Variants in FAM228B observed in about 807,000 individuals in gnomAD.
FAM228B encodes the protein family with sequence similarity 228 member B, also known as protein FAM228B.
FAM228B carries 38 observed loss-of-function variants against 42.6 expected under a neutral mutation model. That is an observed-to-expected ratio of 0.89 (90% CI 0.69 to 1.17). FAM228B has a LOEUF of 1.17. Among genes scored for constraint, FAM228B ranks in the 50% most tolerant of loss-of-function variants. The pLI is 0.00. For synonymous variants in FAM228B, 109 were observed against 122.3 expected (o/e 0.89, Z 0.72); for missense variants, 344 against 367.3 (o/e 0.94, Z 0.52).
intron 7 of FAM228B, among the ~76,000 whole-genome samples, chr2:24,153,355 G>T (rs958431415): frequency 2.0e-5 from 3 of 152,160 alleles, no homozygotes; most frequent in Non-Finnish European, 2.9e-5. Context: ...TATACTCCCT[G>T]GGTATCGCTG....
chr2:24,144,749 A>G (rs1032566196), intron 5 of FAM228B, among the ~76,000 whole-genome samples: 18 of 152,140 alleles, frequency 1.2e-4, no homozygotes, highest in African/African-American at 4.1e-4. Flanking sequence ...AGCATCACCT[A>G]GGCTGAAACA....
At chr2:24,078,783 C>G (rs938370137) in intron 1 of FAM228B, 1 of 152,378 alleles carries the variant, frequency 6.6e-6, no homozygotes, top group African/African-American at 2.4e-5. Context: ...TGCTTAAGCT[C>G]TCCTGTCCCT....
At chr2:24,131,316 T>C (rs1030485101) in intron 2 of FAM228B, among the ~76,000 whole-genome samples, 2 of 152,210 alleles carry the variant, frequency 1.3e-5, no homozygotes. Context: ...TATGGGCTCT[T>C]TTTTGGTTTC....
At chr2:24,097,873 A>G (rs1045074660) in intron 3 of FAM228B, among the ~76,000 whole-genome samples, 6 of 152,212 alleles carry the variant, frequency 3.9e-5, no homozygotes, top group African/African-American at 1.4e-4. Flanking sequence ...AATTGACCAC[A>G]TAATTGGAAG....
chr2:24,084,165 C>A lies in FAM228B; in HGVS notation c.-210+3210C>A. 1 of 1,597,204 alleles carries A rather than the reference C, an allele frequency of 6.3e-7. No homozygotes were observed. The highest frequency in any genetic ancestry group is 8.5e-7 in the Non-Finnish European group (1 of 1,173,230). ...GGGAGGCTCTGGAGTCCCGCCCGCCCCGGCGCGGCTGAGCCCTGGGTACCT... is the reference window on the plus strand; with the variant it reads ...GGGAGGCTCTGGAGTCCCGCCCGCCACGGCGCGGCTGAGCCCTGGGTACCT... On this transcript the variant is annotated intron_variant, in intron 2 of 10. Transcript: ENST00000613899. This position sits in a 1 kb window ranked among gnomAD's most constrained non-coding sequence, Gnocchi z 8.4.
chr2:24,133,264 A>G (rs894658854), intron 2 of FAM228B, among the ~76,000 whole-genome samples: 4 of 151,358 alleles, frequency 2.6e-5, no homozygotes, highest in East Asian at 3.9e-4. Flanking sequence ...GTTGTTTTTT[A>G]TATTTTTTAT....
At chr2:24,141,436 G>A (rs1315631058) in intron 5 of FAM228B, among the ~76,000 whole-genome samples, 2 of 152,122 alleles carry the variant, frequency 1.3e-5, no homozygotes, top group African/African-American at 4.8e-5. Flanking sequence ...AGTAGAGACG[G>A]GGTTTCACCG....
chr2:24,149,638 G>T (rs1440464977), intron 7 of FAM228B, among the ~76,000 whole-genome samples: 1 of 152,064 alleles, frequency 6.6e-6, no homozygotes, highest in African/African-American at 2.4e-5. Flanking sequence ...TCACCATATT[G>T]GTCAGGCTGG....
Position 24,102,219 on chromosome 2 carries a change from A to T in FAM228B, c.-121+6990A>T, listed in dbSNP as rs189567118. Among the ~76,000 whole-genome samples, 4 of 148,782 alleles carry T rather than the reference A, an allele frequency of 2.7e-5. 1 individual carries two copies. Among genetic ancestry groups the T allele is most frequent in the African/African-American group, 9.7e-5 (4 of 41,380 alleles). On this transcript the variant is annotated intron_variant, in intron 3 of 10. Transcript: ENST00000613899. Reference sequence around the variant, plus strand: ...AGACTTGGAAACCACCCAATCTGTTACTCAGTCACAAGTGTCACTCAAGTT... The same window carrying T: ...AGACTTGGAAACCACCCAATCTGTTTCTCAGTCACAAGTGTCACTCAAGTT...
chr2:24,101,440 C>G (rs1254946684), intron 3 of FAM228B, among the ~76,000 whole-genome samples: 1 of 151,960 alleles, frequency 6.6e-6, no homozygotes, highest in Non-Finnish European at 1.5e-5. Flanking sequence ...CACAGGGCTA[C>G]TATAAGTGTT....
intron 2 of FAM228B, chr2:24,085,305 C>T (rs1456543695): frequency 6.6e-6 from 1 of 152,092 alleles, no homozygotes; most frequent in African/African-American, 2.4e-5. Flanking sequence ...GAGGTTCAGC[C>T]CCAGGAGAAG....
chr2:24,156,423 A>G (rs1475175470), intron 7 of FAM228B, among the ~76,000 whole-genome samples: 3 of 152,128 alleles, frequency 2.0e-5, no homozygotes, highest in African/African-American at 7.2e-5. Context: ...ACCGGAGGTC[A>G]GGAGTTTGAG....
chr2:24,116,538 G>A (rs975295591), intron 3 of FAM228B, among the ~76,000 whole-genome samples: 2 of 152,024 alleles, frequency 1.3e-5, no homozygotes, highest in Non-Finnish European at 2.9e-5. Context: ...AAGTCACAAC[G>A]TATGCTTAAG....
At chr2:24,105,423 G>T (rs1665683002) in intron 3 of FAM228B, among the ~76,000 whole-genome samples, 2 of 152,114 alleles carry the variant, frequency 1.3e-5, no homozygotes, top group Non-Finnish European at 2.9e-5. Flanking sequence ...ACCCCCAAGG[G>T]CATCAAAGAA....
chr2:24,117,444 CT>C (rs34376278), intron 3 of FAM228B, among the ~76,000 whole-genome samples: 159 of 140,210 alleles, frequency 1.1e-3, no homozygotes, highest in East Asian at 7.4e-3. Flanking sequence ...TCTTCTTCTT[CT>C]TTTTTTTTTT....
rs1665480957 is a variant in FAM228B at position 24,095,613 on chromosome 2, A to C, written c.-121+384A>C. 1 of 152,360 alleles carries C rather than the reference A, an allele frequency of 6.6e-6. No individual in the cohort carries two copies. Among genetic ancestry groups the C allele is most frequent in the African/African-American group, 2.4e-5 (1 of 41,464 alleles). 9.4% of individuals were successfully genotyped at this position (152,360 alleles called of 1,614,324 possible). Reference sequence around the variant, plus strand: ...TAAACAAAGCAGCCGGGAAGTTCGAACTGGGCAGAGCCCACTGCAGCTCAG... The same window carrying C: ...TAAACAAAGCAGCCGGGAAGTTCGACCTGGGCAGAGCCCACTGCAGCTCAG... On this transcript the variant is annotated intron_variant, in intron 3 of 10. Coordinates refer to the FAM228B transcript ENST00000613899. The surrounding 1 kb of genome is among the most constrained non-coding windows in gnomAD (Gnocchi z 4.8).
At position 24,164,276 on chromosome 2, in the gene FAM228B, C is replaced by T. The variant is rs1484448764; in HGVS notation, c.873C>T (p.Ile291=). Residue 291 remains isoleucine (I), a synonymous_variant, in exon 9 of 11, where the codon ATC becomes ATT. Transcript: ENST00000615575. ...ATAATCCAAGTGCCAAAGAGGCCATCTCTGAAGGGTATTTTTCTTCCTTGA... is the reference window on the plus strand; with the variant it reads ...ATAATCCAAGTGCCAAAGAGGCCATTTCTGAAGGGTATTTTTCTTCCTTGA... ...EGNNPSAKEA[I]SEGYFSSLSL... 1.9e-6 allele frequency: 3 copies of T among 1,551,502 alleles called. No individual in the cohort carries two copies. In the South Asian group the frequency reaches 3.6e-5, roughly 18 times the overall value.
chr2:24,143,337 CG>C (rs1217126939), intron 5 of FAM228B, among the ~76,000 whole-genome samples: 3 of 152,094 alleles, frequency 2.0e-5, no homozygotes. Flanking sequence ...CCCGCCACCA[CG>C]CCCGGCTAAT....
intron 8 of FAM228B, among the ~76,000 whole-genome samples, chr2:24,163,193 G>A (rs1439077132): frequency 1.3e-5 from 2 of 152,184 alleles, no homozygotes; most frequent in South Asian, 2.1e-4. Flanking sequence ...AAAAGTGCCC[G>A]AAGTAAGCTG....
Sources: gnomAD v4.1 joint callset for allele counts (sites outside exome capture counted in the v4.1 genomes callset) on GRCh38, gnomAD v4.1.1 for gene constraint, Gnocchi (gnomAD v3.1) non-coding constraint, MANE v1.5 for transcripts, NCBI Gene and HGNC (gene_info 2026-07-23, HGNC 2026-07-21) for gene names.